The following SLC17A4 variants were observed in gnomAD, a reference collection of about 807,000 sequenced individuals.
SLC17A4 encodes the protein solute carrier family 17 member 4, also known as probable small intestine urate exporter.
SLC17A4 carries 33 observed loss-of-function variants against 52.5 expected under a neutral mutation model. That is an observed-to-expected ratio of 0.63 (90% CI 0.48 to 0.84). The LOEUF is 0.84. SLC17A4 is among the 40% of genes least tolerant of loss of function. The probability of loss-of-function intolerance (pLI) is 0.00; values close to 1 mark genes in which losing one functional copy is unlikely to be tolerated. For synonymous variants in SLC17A4, 225 were observed against 216.2 expected, an observed-to-expected ratio of 1.04 and a Z score of -0.36; for missense variants, 585 against 597.1, an observed-to-expected ratio of 0.98 and a Z score of 0.21.
chr6:25,768,901 T>A, intron 2 of SLC17A4, 84 bp from the exon 3 acceptor site: 1 of 1,249,984 alleles, frequency 8.0e-7, no homozygotes. Flanking sequence ...CTCAGACAGA[T>A]ACCAATCTTC....
rs543644789 is a variant in SLC17A4, at chr6:25,780,397, G to C, written c.*1209G>C. On this transcript the variant is annotated 3_prime_UTR_variant, in exon 12 of 12. Transcript: ENST00000377905. ...GATAAGTGCACTAATCTGAGTGTAA[G>C]GAAGGGCCACCCCTGCAAAGTTTCA... 6.6e-6 allele frequency: 1 copy of C among 152,202 alleles called. No individual in the cohort carries two copies. The highest frequency in any genetic ancestry group is 1.5e-5 in the Non-Finnish European group (1 of 68,042). The allele number at this position is 152,202 out of a possible 1,614,324, so 9.4% of individuals were successfully genotyped here.
In SLC17A4 at chr6:25,780,770, A is replaced by G. The variant is rs571366370; in HGVS notation, c.*1582A>G. The G allele has an allele frequency of 6.6e-6, 1 of 152,286 alleles. No individual in the cohort carries two copies. Among genetic ancestry groups the G allele is most frequent in the South Asian group, 2.1e-4 (1 of 4,818 alleles). 9.4% of individuals were successfully genotyped at this position (152,286 alleles called of 1,614,324 possible). On this transcript the variant is annotated 3_prime_UTR_variant, in exon 12 of 12. Coordinates refer to ENST00000377905, the MANE Select transcript of SLC17A4 (RefSeq NM_005495.3). Reference sequence around the variant, plus strand: ...AATGGCCCCTGGCATGAGGCAATAGACATGGTGAGAGGTGAATGGATTATT... The same window carrying G: ...AATGGCCCCTGGCATGAGGCAATAGGCATGGTGAGAGGTGAATGGATTATT...
Position 25,776,904 on chromosome 6 carries a change from A to C in SLC17A4, c.1213A>C (p.Ile405Leu). ...GACCTTCTTGGTGCTGTCTTCTGCCATCAGCAGCTTCTGTGAATCAGGAGC... is the reference window on the plus strand; with the variant it reads ...GACCTTCTTGGTGCTGTCTTCTGCCCTCAGCAGCTTCTGTGAATCAGGAGC... ...TMTFLVLSSAISSFCESGALV... is the reference protein window; with the variant it reads ...TMTFLVLSSALSSFCESGALV... The change falls in exon 10 of 12, where the codon ATC (isoleucine) becomes CTC (leucine). Residue 405 changes from isoleucine (I) to leucine (L), a missense_variant. By Grantham distance (5) the Ile-to-Leu change is conservative. Coordinates refer to ENST00000377905, the MANE Select transcript of SLC17A4 (RefSeq NM_005495.3). The C allele has an allele frequency of 6.2e-7, 1 of 1,613,838 alleles. No individual in the cohort carries two copies. The highest frequency in any genetic ancestry group is 8.5e-7 in the Non-Finnish European group (1 of 1,179,838).
In SLC17A4 at chr6:25,776,677, C is replaced by A; in HGVS notation, c.1070C>A (p.Ser357Tyr). Residue 357 changes from serine (S) to tyrosine (Y), a missense_variant, in exon 9 of 12, where the codon TCC becomes TAC. By Grantham distance (144) the Ser-to-Tyr change is moderately radical. Coordinates refer to ENST00000377905, the MANE Select transcript of SLC17A4 (RefSeq NM_005495.3). ...LGGLLADFLL[S>Y]RKILRLITIR... is the part of the protein sequence containing the mutation. ...GGTCTACTGGCAGACTTTCTTCTCTCCAGAAAAATCCTCAGACTCATCACC... is the reference window on the plus strand; with the variant it reads ...GGTCTACTGGCAGACTTTCTTCTCTACAGAAAAATCCTCAGACTCATCACC... 3 of 1,613,866 alleles carry A rather than the reference C, an allele frequency of 1.9e-6. No homozygotes were observed. The highest frequency in any genetic ancestry group is 1.1e-5 in the South Asian group (1 of 91,070).
Position 25,776,722 on chromosome 6 carries a change from C to T in SLC17A4, c.1115C>T (p.Ala372Val). Reference sequence around the variant, plus strand: ...ATCACCATCAGGAAACTCTTCACTGCCATTGGTAAGGGAGAGACTGGACAC... The same window carrying T: ...ATCACCATCAGGAAACTCTTCACTGTCATTGGTAAGGGAGAGACTGGACAC... ...RLITIRKLFT[A>V]IGVLFPSVIL... The change falls in exon 9 of 12, where the codon GCC becomes GTC. Residue 372 changes from alanine to valine, a missense_variant. Coordinates refer to ENST00000377905, the MANE Select transcript of SLC17A4 (RefSeq NM_005495.3). The T allele has an allele frequency of 2.5e-6, 4 of 1,613,874 alleles. 1 individual carries two copies. The highest frequency in any genetic ancestry group is 2.2e-5 in the South Asian group (2 of 91,062).
intron 8 of SLC17A4, among the ~76,000 whole-genome samples, chr6:25,775,374 G>A (rs1762822515): frequency 6.7e-6 from 1 of 149,910 alleles, no homozygotes; most frequent in African/African-American, 2.4e-5. Flanking sequence ...TTTCATTACT[G>A]TTCCTAATCT....
intron 1 of SLC17A4, among the ~76,000 whole-genome samples, chr6:25,760,869 T>C (rs534460869): frequency 6.6e-6 from 1 of 152,352 alleles, no homozygotes; most frequent in East Asian, 1.9e-4. Flanking sequence ...TCTTCAATTA[T>C]TTAAAGCATA....
At chr6:25,770,833 C>T in intron 5 of SLC17A4, 93 bp from the exon 6 acceptor site, 6 of 973,036 alleles carry the variant, frequency 6.2e-6, no homozygotes. Flanking sequence ...GAAACTCATA[C>T]CTTCACTCAC....
chr6:25,766,275 T>C (rs1762011058), intron 2 of SLC17A4, among the ~76,000 whole-genome samples: 1 of 151,904 alleles, frequency 6.6e-6, no homozygotes. Flanking sequence ...AGTTATTCCT[T>C]TTAAAACAAA....
chr6:25,769,275 A>G (rs1422977376), intron 3 of SLC17A4, 85 bp downstream of exon 3: 1 of 1,261,270 alleles, frequency 7.9e-7, no homozygotes, highest in African/African-American at 1.5e-5. Context: ...TCATTTAACC[A>G]CTAAGTATTT....
chr6:25,776,399 CT>C (rs373981085), intron 8 of SLC17A4, among the ~76,000 whole-genome samples, 195 bp from the exon 9 acceptor site: 33 of 143,772 alleles, frequency 2.3e-4, no homozygotes, highest in African/African-American at 3.1e-4. Context: ...GAGCCTTGTT[CT>C]TTTTTTTTTG....
chr6:25,770,381 C>T lies in SLC17A4; in HGVS notation c.532-3C>T, dbSNP rs199617227. ...TCTCCAAGAATGGAATTTTTCCCCC[C>T]AGGTTATGGTATTAACTGGTCAGTA... On this transcript the variant is annotated splice_polypyrimidine_tract_variant and splice_region_variant and intron_variant, in intron 4 of 11. Transcript: ENST00000377905. 1 of 1,614,036 alleles carries T rather than the reference C, an allele frequency of 6.2e-7. No homozygotes were observed. The highest frequency in any genetic ancestry group is 8.5e-7 in the Non-Finnish European group (1 of 1,179,934).
rs200172442 is a variant in SLC17A4 at position 25,779,171 on chromosome 6, A to G, written c.1477A>G (p.Thr493Ala). Residue 493 changes from threonine to alanine, a missense_variant, in exon 12 of 12, where the codon ACA becomes GCA. Physicochemically the swap from Thr to Ala is moderately conservative, Grantham distance 58 (BLOSUM62 0). Transcript: ENST00000377905. Reference protein sequence around the residue: ...ADVQDWAKEQTFTHL With the variant: ...ADVQDWAKEQAFTHL The stretch of plus-strand genomic sequence containing the variant: ...TGTGCAGGACTGGGCTAAAGAGCAG[A>G]CATTCACCCACCTCTGAGCAAACCG... The G allele has an allele frequency of 3.5e-5, 56 of 1,613,742 alleles. No individual in the cohort carries two copies. In the Admixed American group the frequency reaches 3.7e-4, roughly 11 times the overall value.
chr6:25,760,612 T>C (rs944252498), intron 1 of SLC17A4, among the ~76,000 whole-genome samples: 18 of 152,298 alleles, frequency 1.2e-4, no homozygotes, highest in African/African-American at 4.3e-4. Context: ...TCAACATACA[T>C]TGGACCTTTT....
chr6:25,779,904 G>A lies in SLC17A4; in HGVS notation c.*716G>A, dbSNP rs1763218052. 1 of 152,124 alleles carries A rather than the reference G, an allele frequency of 6.6e-6. No homozygotes were observed. Among genetic ancestry groups the A allele is most frequent in the South Asian group, 2.1e-4 (1 of 4,816 alleles). 9.4% of individuals were successfully genotyped at this position (152,124 alleles called of 1,614,324 possible). ...CAGACATTGCCCAGTGTCTCTTCTA[G>A]CCCCTCCAACAGTTCTTCATGTAGC... On this transcript the variant is annotated 3_prime_UTR_variant, in exon 12 of 12. Coordinates refer to ENST00000377905, the MANE Select transcript of SLC17A4 (RefSeq NM_005495.3).
At chr6:25,762,965 C>G (rs1049945330) in intron 2 of SLC17A4, among the ~76,000 whole-genome samples, 3 of 152,146 alleles carry the variant, frequency 2.0e-5, no homozygotes, top group African/African-American at 7.2e-5. Flanking sequence ...TAAAATTTTA[C>G]CAAGGTGCAG....
intron 1 of SLC17A4, among the ~76,000 whole-genome samples, chr6:25,758,547 A>G (rs1267096142): frequency 6.6e-6 from 1 of 152,066 alleles, no homozygotes; most frequent in Non-Finnish European, 1.5e-5. Flanking sequence ...GAATTTATCC[A>G]TCTCCTCTAG....
intron 1 of SLC17A4, among the ~76,000 whole-genome samples, chr6:25,759,052 G>A (rs1761292476): frequency 6.6e-6 from 1 of 152,086 alleles, no homozygotes; most frequent in Non-Finnish European, 1.5e-5. Flanking sequence ...TTTCATTGTT[G>A]AGCCAATGAT....
At chr6:25,758,492 T>C (rs2151416014) in intron 1 of SLC17A4, among the ~76,000 whole-genome samples, 1 of 152,330 alleles carries the variant, frequency 6.6e-6, no homozygotes, top group African/African-American at 2.4e-5. Flanking sequence ...CAGAGAGAGT[T>C]TCTATTTCTT....
Sources: allele counts gnomAD v4.1 joint callset (sites outside exome capture counted in the v4.1 genomes callset), GRCh38; gene constraint gnomAD v4.1.1; transcripts MANE v1.5; gene names NCBI Gene and HGNC (gene_info 2026-07-23, HGNC 2026-07-21).